CD1B: variants seen among roughly 807,000 people sequenced by gnomAD.
CD1B encodes CD1b molecule, also known as T-cell surface glycoprotein CD1b.
A neutral mutation model predicts 39.8 loss-of-function variants in CD1B; 43 were observed. The observed-to-expected ratio is 1.08, with a 90% CI of 0.85 to 1.39. The LOEUF (loss-of-function observed/expected upper bound fraction) is 1.39, where lower values mean the gene tolerates loss of function less well. CD1B is among the 40% of genes most tolerant of loss of function. CD1B has a pLI of 0.00. For missense variants in CD1B, 495 were observed against 403.8 expected, an observed-to-expected ratio of 1.23 and a Z score of -1.94; for synonymous variants, 192 against 152.5, an observed-to-expected ratio of 1.26 and a Z score of -1.91.
At chr1:158,317,913 A>C in the CD1B span, among the ~76,000 whole-genome samples, 7 of 152,228 alleles carry the variant, frequency 4.6e-5, no homozygotes, top group African/African-American at 1.2e-4. Flanking sequence ...CCTTCATTTC[A>C]TTATGTACCC....
At chr1:158,296,134 C>T in the CD1B span, among the ~76,000 whole-genome samples, 1 of 152,036 alleles carries the variant, frequency 6.6e-6, no homozygotes, top group Admixed American at 6.5e-5. Context: ...GAGAGCAGAC[C>T]CCCACCGCCA....
the CD1B span, among the ~76,000 whole-genome samples, chr1:158,321,022 A>AT: frequency 6.6e-6 from 1 of 152,260 alleles, no homozygotes; most frequent in Admixed American, 6.5e-5. Flanking sequence ...TGTTAGGTTC[A>AT]TTTGGTCAGG....
the CD1B span, among the ~76,000 whole-genome samples, chr1:158,301,838 C>T: frequency 3.9e-5 from 6 of 152,168 alleles, no homozygotes; most frequent in Non-Finnish European, 5.9e-5. Context: ...GCCTGCCTTG[C>T]TAGGTTGGGG....
chr1:158,312,608 T>A, the CD1B span, among the ~76,000 whole-genome samples: 56 of 152,360 alleles, frequency 3.7e-4, 1 homozygote, highest in South Asian at 0.012. Flanking sequence ...TCTTATATTT[T>A]GTAGCTATTG....
the CD1B span, among the ~76,000 whole-genome samples, chr1:158,318,899 A>G: frequency 3.9e-5 from 6 of 152,056 alleles, no homozygotes; most frequent in African/African-American, 1.2e-4. Context: ...TCTGTAAGGT[A>G]TTTTATTTCT....
the CD1B span, among the ~76,000 whole-genome samples, chr1:158,295,471 G>T: frequency 1.3e-5 from 2 of 152,144 alleles, no homozygotes; most frequent in African/African-American, 2.4e-5. Context: ...GGCAGGGAAA[G>T]CTACTTGCAG....
chr1:158,292,012 AG>A, the CD1B span: 1 of 1,443,396 alleles, frequency 6.9e-7, no homozygotes, highest in Non-Finnish European at 9.4e-7. Flanking sequence ...TTCCTGATAC[AG>A]CCCTAGGTTT....
chr1:158,327,326 C>T (rs1652391670), downstream of CD1B, among the ~76,000 whole-genome samples: 1 of 152,198 alleles, frequency 6.6e-6, no homozygotes, highest in Non-Finnish European at 1.5e-5. Context: ...CAGCTGGCTT[C>T]ACCTCTCACT....
the CD1B span, among the ~76,000 whole-genome samples, chr1:158,311,850 T>G: frequency 6.6e-6 from 1 of 152,214 alleles, no homozygotes; most frequent in Non-Finnish European, 1.5e-5. Context: ...GTTCCGCTGA[T>G]CTATGTATCT....
the CD1B span, among the ~76,000 whole-genome samples, chr1:158,306,357 A>C: frequency 1.3e-5 from 2 of 152,216 alleles, no homozygotes; most frequent in Non-Finnish European, 2.9e-5. Context: ...TGGTAAAGGG[A>C]TCAATTCAGC....
the CD1B span, chr1:158,293,470 C>T: frequency 6.2e-7 from 1 of 1,614,114 alleles, no homozygotes; most frequent in Non-Finnish European, 8.5e-7. Flanking sequence ...ATCAGGACAT[C>T]CTGTGAGACT....
chr1:158,292,471 G>T, the CD1B span: 2 of 1,486,060 alleles, frequency 1.3e-6, no homozygotes, highest in Admixed American at 2.0e-5. Context: ...AAGCAGGGGG[G>T]TTGCTGGGTA....
At chr1:158,306,874 G>A in the CD1B span, among the ~76,000 whole-genome samples, 1 of 152,132 alleles carries the variant, frequency 6.6e-6, no homozygotes, top group South Asian at 2.1e-4. Context: ...GATGTTCTTT[G>A]AAACCAACGA....
the CD1B span, chr1:158,292,932 G>C: frequency 6.4e-7 from 1 of 1,561,654 alleles, no homozygotes; most frequent in Non-Finnish European, 8.7e-7. Context: ...GGTTAGGGGA[G>C]AGGAAATTTT....
the CD1B span, among the ~76,000 whole-genome samples, chr1:158,318,563 A>C: frequency 0.012 from 1,760 of 152,184 alleles, 34 homozygotes; most frequent in African/African-American, 0.04. Flanking sequence ...GTGTCTCTGC[A>C]CGTGAGATGG....
the CD1B span, among the ~76,000 whole-genome samples, chr1:158,304,528 C>G: frequency 2.6e-5 from 4 of 152,196 alleles, no homozygotes; most frequent in African/African-American, 9.7e-5. Context: ...CACAGCCAAA[C>G]CAAAGGCAGC....
At chr1:158,295,403 T>C in the CD1B span, among the ~76,000 whole-genome samples, 1 of 152,088 alleles carries the variant, frequency 6.6e-6, no homozygotes, top group Non-Finnish European at 1.5e-5. Flanking sequence ...ACTCTATCCA[T>C]GAACCTCTGG....
At chr1:158,286,318 C>A in the CD1B span, among the ~76,000 whole-genome samples, 1 of 152,104 alleles carries the variant, frequency 6.6e-6, no homozygotes, top group Non-Finnish European at 1.5e-5. Flanking sequence ...CATTTTATAT[C>A]AATTTCAGAT....
chr1:158,307,195 C>A, the CD1B span, among the ~76,000 whole-genome samples: 4 of 151,896 alleles, frequency 2.6e-5, no homozygotes, highest in African/African-American at 9.7e-5. Context: ...AAGACTAATA[C>A]AGAAGAAAAG....
Sources: gnomAD v4.1 joint callset for allele counts (sites outside exome capture counted in the v4.1 genomes callset) on GRCh38, gnomAD v4.1.1 for gene constraint, MANE v1.5 for transcripts, NCBI Gene and HGNC (gene_info 2026-07-23, HGNC 2026-07-21) for gene names.